ANKFY1: variants seen among roughly 807,000 people sequenced by gnomAD.
ANKFY1 encodes the protein ankyrin repeat and FYVE domain-containing protein 1.
In ANKFY1, 47 loss-of-function variants were observed where a neutral mutation model predicts 128.3. The observed-to-expected ratio is 0.37, with a 90% CI of 0.29 to 0.47. The LOEUF is 0.47. ANKFY1 is among the 20% of genes least tolerant of loss of function. The pLI, the probability that ANKFY1 is intolerant of heterozygous loss-of-function variation, is 1.00. For synonymous variants in ANKFY1, 553 were observed against 601.6 expected (o/e 0.92, Z 1.18); for missense variants, 1,222 against 1,510.6 (o/e 0.81, Z 3.17).
intron 11 of ANKFY1, among the ~76,000 whole-genome samples, chr17:4,185,539 C>T (rs1015338971): frequency 8.6e-5 from 13 of 151,892 alleles, no homozygotes; most frequent in African/African-American, 3.1e-4. Context: ...GCTGTGTTGC[C>T]CAGGCTGGAC....
At chr17:4,238,671 A>G (rs1388802917) in intron 2 of ANKFY1, among the ~76,000 whole-genome samples, 1 of 151,450 alleles carries the variant, frequency 6.6e-6, no homozygotes, top group Non-Finnish European at 1.5e-5. Context: ...ACAGAGTTTC[A>G]CCGTGTTGGT....
Position 4,181,122 on chromosome 17 carries a change from T to A in ANKFY1, c.2240+132A>T, listed in dbSNP as rs919177520. Reference sequence around the variant, plus strand: ...ACTTGACATGACAGAACAGTGACTCTCTGATAACCTTAACTGTGAAAGTCA... The same window carrying A: ...ACTTGACATGACAGAACAGTGACTCACTGATAACCTTAACTGTGAAAGTCA... On this transcript the variant is annotated intron_variant, in intron 16 of 24. Transcript: ENST00000341657. The surrounding 1 kb of genome is among the most constrained non-coding windows in gnomAD (Gnocchi z 4.9). 1.4e-6 allele frequency: 1 copy of A among 707,046 alleles called. No homozygotes were observed. The highest frequency in any genetic ancestry group is 2.5e-5 in the Admixed American group (1 of 39,676). The allele number at this position is 707,046 out of a possible 1,614,324, so 43.8% of individuals were successfully genotyped here. A position where few individuals can be genotyped will look rare whatever the true frequency, so the allele number is the denominator to read the frequency against.
In ANKFY1 at chr17:4,263,913, C is replaced by A. The variant is rs1264433866; in HGVS notation, c.10+19G>T. The A allele has an allele frequency of 3.1e-6, 5 of 1,613,798 alleles. No individual in the cohort carries two copies. The highest frequency in any genetic ancestry group is 4.2e-6 in the Non-Finnish European group (5 of 1,179,912). On this transcript the variant is annotated intron_variant, in intron 1 of 24. Transcript: ENST00000341657. ...CACAGCTCCGTGTCTTCCCGCGCGG[C>A]TCCACAAAAAAACCCTACCTTCCGC...
chr17:4,251,116 G>C (rs1000794816), intron 1 of ANKFY1, among the ~76,000 whole-genome samples: 4 of 152,120 alleles, frequency 2.6e-5, no homozygotes, highest in Non-Finnish European at 5.9e-5. Flanking sequence ...ACAGAATCCA[G>C]GAATAGACTT....
rs767490580 is a variant in ANKFY1, at chr17:4,170,838, C to T, written c.3163G>A (p.Gly1055Arg). The T allele has an allele frequency of 1.1e-5, 17 of 1,614,098 alleles. No homozygotes were observed. The highest frequency in any genetic ancestry group is 1.3e-5 in the Non-Finnish European group (15 of 1,180,042). The change falls in exon 23 of 25, where the codon GGG (glycine) becomes AGG (arginine). Residue 1055 changes from glycine to arginine, a missense_variant. Physicochemically the swap from Gly to Arg is moderately radical, Grantham distance 125 (BLOSUM62 -2). Coordinates refer to ENST00000341657, the MANE Select transcript of ANKFY1 (RefSeq NM_001330063.2). ...STVLLLAYMKGNANLCRAIVR... is the reference protein window; with the variant it reads ...STVLLLAYMKRNANLCRAIVR... ...ATGGCGCGGCACAAGTTGGCGTTCCCTTTCATGTATGCCAGGAGCAGCACT... is the reference window on the plus strand; with the variant it reads ...ATGGCGCGGCACAAGTTGGCGTTCCTTTTCATGTATGCCAGGAGCAGCACT...
chr17:4,246,160 T>G (rs983140816), intron 1 of ANKFY1, among the ~76,000 whole-genome samples: 1 of 152,174 alleles, frequency 6.6e-6, no homozygotes, highest in Non-Finnish European at 1.5e-5. Context: ...GGGATACAAA[T>G]GGAGTGTGGC....
At position 4,174,065 on chromosome 17, in the gene ANKFY1, G is replaced by A; in HGVS notation, c.2776-9C>T. On this transcript the variant is annotated splice_polypyrimidine_tract_variant and intron_variant, in intron 19 of 24. Transcript: ENST00000341657. ...TTGGCTCCCGCAAGAAGCTGTTGAA[G>A]TTCATTACATGAACAGTCAGTCTCT... 2.5e-6 allele frequency: 4 copies of A among 1,613,328 alleles called. No homozygotes were observed. The highest frequency in any genetic ancestry group is 3.4e-6 in the Non-Finnish European group (4 of 1,179,582).
At chr17:4,173,545 C>T (rs2059361274) in intron 20 of ANKFY1, 101 bp from the exon 21 acceptor site, 3 of 1,127,844 alleles carry the variant, frequency 2.7e-6, no homozygotes, top group Non-Finnish European at 2.6e-6. Flanking sequence ...GGGACCCGGC[C>T]ACAGCAGCGA....
At chr17:4,194,656 G>A (rs2059784579) in intron 10 of ANKFY1, 20 of 355,344 alleles carry the variant, frequency 5.6e-5, no homozygotes, top group South Asian at 5.5e-4. Flanking sequence ...AAATACTGAA[G>A]TTATAACCCA....
chr17:4,205,638 A>C (rs1172190798), intron 7 of ANKFY1, among the ~76,000 whole-genome samples: 1 of 151,698 alleles, frequency 6.6e-6, no homozygotes, highest in Non-Finnish European at 1.5e-5. Context: ...GCTACTGGGG[A>C]GGCTGAGGCA....
intron 2 of ANKFY1, among the ~76,000 whole-genome samples, chr17:4,240,599 T>G (rs1173774026): frequency 6.7e-6 from 1 of 150,268 alleles, no homozygotes; most frequent in Non-Finnish European, 1.5e-5. Flanking sequence ...ACCTTGTTGG[T>G]CAGGCTGGTC....
At chr17:4,234,904 G>A (rs1966865369) in intron 3 of ANKFY1, among the ~76,000 whole-genome samples, 1 of 152,152 alleles carries the variant, frequency 6.6e-6, no homozygotes, top group Non-Finnish European at 1.5e-5. Context: ...GAGCACTATG[G>A]TGAAGCAAAT....
chr17:4,211,885 C>CAA (rs11374688), intron 4 of ANKFY1, among the ~76,000 whole-genome samples: 15 of 131,580 alleles, frequency 1.1e-4, no homozygotes, highest in Non-Finnish European at 1.5e-4. Flanking sequence ...GACTCTGTCT[C>CAA]AAAAAAAAAA....
At chr17:4,263,679 G>A (rs969662460) in intron 1 of ANKFY1, 11 of 1,530,802 alleles carry the variant, frequency 7.2e-6, no homozygotes, top group African/African-American at 5.5e-5. Flanking sequence ...GCACCGGCGC[G>A]GGACCTGCCA....
At chr17:4,256,269 A>G (rs1307025517) in intron 1 of ANKFY1, among the ~76,000 whole-genome samples, 1 of 152,186 alleles carries the variant, frequency 6.6e-6, no homozygotes, top group Non-Finnish European at 1.5e-5. Context: ...TCTATTAAAA[A>G]TACAAAAAAT....
intron 1 of ANKFY1, among the ~76,000 whole-genome samples, chr17:4,256,601 A>C (rs1397322942): frequency 2.0e-5 from 3 of 152,132 alleles, no homozygotes; most frequent in African/African-American, 7.2e-5. Context: ...CTTTTTGGTG[A>C]CTGACTTGAG....
At chr17:4,180,006 T>C in intron 16 of ANKFY1, 129 bp from the exon 17 acceptor site, 1 of 1,194,820 alleles carries the variant, frequency 8.4e-7, no homozygotes, top group Non-Finnish European at 1.2e-6. Flanking sequence ...CTGCTGTCCT[T>C]GGTCCCTGGC....
At chr17:4,186,901 G>C (rs34188453) in intron 11 of ANKFY1, 1 of 1,082,398 alleles carries the variant, frequency 9.2e-7, no homozygotes. Flanking sequence ...TACCTTAAAT[G>C]TGTAGAAATT....
intron 3 of ANKFY1, among the ~76,000 whole-genome samples, chr17:4,221,668 C>A (rs1263967716): frequency 6.6e-6 from 1 of 152,128 alleles, no homozygotes; most frequent in Non-Finnish European, 1.5e-5. Flanking sequence ...ACCCAGGCTG[C>A]AGTGCAGTGG....
Sources: gnomAD v4.1 joint callset for allele counts (sites outside exome capture counted in the v4.1 genomes callset) on GRCh38, gnomAD v4.1.1 for gene constraint, Gnocchi (gnomAD v3.1) non-coding constraint, MANE v1.5 for transcripts, NCBI Gene and HGNC (gene_info 2026-07-23, HGNC 2026-07-21) for gene names.